Variants in PDGFRL observed in about 807,000 individuals in gnomAD.
PDGFRL encodes the protein platelet derived growth factor receptor like, also known as platelet-derived growth factor receptor-like protein.
Under a neutral mutation model 37.2 loss-of-function variants are expected in PDGFRL, and 46 were observed. The ratio of observed to expected loss-of-function variants is 1.24; its 90% CI spans 0.98 to 1.58. The LOEUF (loss-of-function observed/expected upper bound fraction) is 1.58. PDGFRL is among the 40% of genes most tolerant of loss of function. The pLI is 0.00. For synonymous variants in PDGFRL, 251 were observed against 184.3 expected, an observed-to-expected ratio of 1.36 and a Z score of -2.93; for missense variants, 692 against 467.6, an observed-to-expected ratio of 1.48 and a Z score of -4.43.
intron 2 of PDGFRL, among the ~76,000 whole-genome samples, chr8:17,594,111 T>C (rs1804000679): frequency 6.8e-6 from 1 of 147,626 alleles, no homozygotes; most frequent in African/African-American, 2.4e-5. Flanking sequence ...AAATGGAACA[T>C]GCAGCGTATT....
At chr8:17,611,060 A>G (rs979275208) in intron 2 of PDGFRL, among the ~76,000 whole-genome samples, 1 of 152,182 alleles carries the variant, frequency 6.6e-6, no homozygotes, top group Non-Finnish European at 1.5e-5. Context: ...CAGTCAACTC[A>G]TGTTTCTTTT....
chr8:17,635,919 C>A (rs2129837763), intron 5 of PDGFRL, among the ~76,000 whole-genome samples: 1 of 152,116 alleles, frequency 6.6e-6, no homozygotes, highest in East Asian at 1.9e-4. Flanking sequence ...TTTGGTATGT[C>A]TTTTGAGAAT....
At chr8:17,634,293 C>T in intron 5 of PDGFRL, 80 bp downstream of exon 5, 1 of 1,150,924 alleles carries the variant, frequency 8.7e-7, no homozygotes, top group Admixed American at 2.0e-5. Flanking sequence ...CAGCTTCGTC[C>T]CCACCCAGTG....
intron 2 of PDGFRL, among the ~76,000 whole-genome samples, chr8:17,602,884 C>T (rs1187470929): frequency 6.6e-6 from 1 of 152,202 alleles, no homozygotes; most frequent in African/African-American, 2.4e-5. Flanking sequence ...CCCACTTATA[C>T]CTATGGTCCT....
intron 5 of PDGFRL, among the ~76,000 whole-genome samples, chr8:17,639,967 C>T (rs1805056742): frequency 6.6e-6 from 1 of 152,126 alleles, no homozygotes; most frequent in Non-Finnish European, 1.5e-5. Flanking sequence ...AGGCTTTGTT[C>T]ATTCTTTTAA....
At chr8:17,632,060 A>G (rs1242831993) in intron 4 of PDGFRL, among the ~76,000 whole-genome samples, 1 of 152,100 alleles carries the variant, frequency 6.6e-6, no homozygotes, top group African/African-American at 2.4e-5. Context: ...CCTCAGTGCC[A>G]TCCTCCCTGG....
intron 4 of PDGFRL, among the ~76,000 whole-genome samples, chr8:17,631,312 G>A (rs1435043738): frequency 1.3e-5 from 2 of 152,110 alleles, no homozygotes; most frequent in East Asian, 3.9e-4. Context: ...CCTTGACCAG[G>A]GGAGAGTGGT....
At chr8:17,619,976 T>C (rs1189122542) in intron 2 of PDGFRL, among the ~76,000 whole-genome samples, 2 of 152,166 alleles carry the variant, frequency 1.3e-5, no homozygotes, top group Non-Finnish European at 2.9e-5. Context: ...ACTCTTTATT[T>C]TTTAGAGACA....
At chr8:17,595,520 C>G (rs867861893) in intron 2 of PDGFRL, among the ~76,000 whole-genome samples, 1 of 152,194 alleles carries the variant, frequency 6.6e-6, no homozygotes, top group Non-Finnish European at 1.5e-5. Flanking sequence ...TCTCAGCCTC[C>G]TGAGAACTCT....
At chr8:17,640,209 T>C (rs1805062537) in intron 5 of PDGFRL, among the ~76,000 whole-genome samples, 1 of 151,918 alleles carries the variant, frequency 6.6e-6, no homozygotes, top group South Asian at 2.1e-4. Context: ...TTTAATTAAG[T>C]TGGAGTTCAC....
chr8:17,581,426 CGAA>C (rs1803705310), intron 1 of PDGFRL, among the ~76,000 whole-genome samples: 1 of 152,032 alleles, frequency 6.6e-6, no homozygotes, highest in Non-Finnish European at 1.5e-5. Flanking sequence ...GGCTTCTGAA[CGAA>C]GAAGTACCCA....
intron 3 of PDGFRL, among the ~76,000 whole-genome samples, chr8:17,623,682 C>T (rs543228712): frequency 1.3e-5 from 2 of 152,218 alleles, no homozygotes; most frequent in East Asian, 3.9e-4. Flanking sequence ...CGAGAACAGC[C>T]TGGCCAACAT....
At chr8:17,638,788 A>ATATATAG in intron 5 of PDGFRL, among the ~76,000 whole-genome samples, 1 of 71,584 alleles carries the variant, frequency 1.4e-5, no homozygotes, top group Non-Finnish European at 2.8e-5. Context: ...TATATATATA[A>ATATATAG]TTGTGATATT....
At chr8:17,598,691 C>T (rs1804103366) in intron 2 of PDGFRL, among the ~76,000 whole-genome samples, 1 of 152,178 alleles carries the variant, frequency 6.6e-6, no homozygotes, top group Admixed American at 6.5e-5. Flanking sequence ...TATGGTTTGG[C>T]TGTTTCCCCT....
intron 4 of PDGFRL, among the ~76,000 whole-genome samples, chr8:17,633,728 C>T (rs1389858430): frequency 6.6e-6 from 1 of 152,180 alleles, no homozygotes; most frequent in Non-Finnish European, 1.5e-5. Context: ...GACACCACCA[C>T]CCAGTACTTC....
intron 1 of PDGFRL, among the ~76,000 whole-genome samples, chr8:17,578,913 C>T (rs1164735990): frequency 1.3e-5 from 2 of 152,192 alleles, no homozygotes; most frequent in African/African-American, 4.8e-5. Context: ...AAAGTACACA[C>T]ATCTGGCCGG....
At chr8:17,615,514 A>G (rs1239183655) in intron 2 of PDGFRL, among the ~76,000 whole-genome samples, 1 of 152,202 alleles carries the variant, frequency 6.6e-6, no homozygotes, top group Non-Finnish European at 1.5e-5. Flanking sequence ...AACTTGGACA[A>G]GTTGCTTCTC....
intron 4 of PDGFRL, among the ~76,000 whole-genome samples, chr8:17,630,362 C>G (rs1804836567): frequency 6.6e-6 from 1 of 152,188 alleles, no homozygotes; most frequent in Non-Finnish European, 1.5e-5. Flanking sequence ...ACATGAAATA[C>G]TTTTTTCCCT....
intron 5 of PDGFRL, among the ~76,000 whole-genome samples, chr8:17,636,349 C>T (rs9644583): frequency 0.79 from 120,165 of 152,148 alleles, 49,199 homozygotes; most frequent in Non-Finnish European, 0.91. Context: ...TGCCAATTAT[C>T]CCAGCACCAT....
Sources: gnomAD v4.1 joint callset for allele counts (sites outside exome capture counted in the v4.1 genomes callset) on GRCh38, gnomAD v4.1.1 for gene constraint, MANE v1.5 for transcripts, NCBI Gene and HGNC (gene_info 2026-07-23, HGNC 2026-07-21) for gene names.